The following MAN1C1 variants were observed in gnomAD, a reference collection of about 807,000 sequenced individuals.
MAN1C1 encodes mannosyl-oligosaccharide 1,2-alpha-mannosidase IC.
In MAN1C1, 49 loss-of-function variants were observed where a neutral mutation model predicts 71.5. The observed-to-expected ratio is 0.69, with a 90% CI of 0.54 to 0.87. MAN1C1 has a LOEUF of 0.87. Among genes scored for constraint, MAN1C1 ranks in the 40% least tolerant of loss-of-function variants. The probability of loss-of-function intolerance (pLI) is 0.00; values close to 1 mark genes in which losing one functional copy is unlikely to be tolerated. For missense variants in MAN1C1, 743 were observed against 835.0 expected (o/e 0.89, Z 1.36); for synonymous variants, 352 against 343.7 (o/e 1.02, Z -0.27).
At chr1:25,683,785 C>G (rs1157975477) in intron 1 of MAN1C1, among the ~76,000 whole-genome samples, 5 of 152,136 alleles carry the variant, frequency 3.3e-5, no homozygotes, top group Non-Finnish European at 7.4e-5. Flanking sequence ...AGGAGGCTGT[C>G]CCCTTCATCC....
chr1:25,654,882 C>T (rs1388361598), intron 1 of MAN1C1, among the ~76,000 whole-genome samples: 1 of 152,062 alleles, frequency 6.6e-6, no homozygotes, highest in Non-Finnish European at 1.5e-5. Context: ...CCTGACCTCA[C>T]GATCTGCCCA....
At chr1:25,668,579 G>A (rs1270582621) in intron 1 of MAN1C1, among the ~76,000 whole-genome samples, 17 of 144,064 alleles carry the variant, frequency 1.2e-4, no homozygotes, top group African/African-American at 3.4e-4. Flanking sequence ...TTTTTGAGAC[G>A]GAGTCTTGCT....
intron 7 of MAN1C1, among the ~76,000 whole-genome samples, chr1:25,768,996 A>C (rs1367268368): frequency 7.3e-6 from 1 of 136,104 alleles, no homozygotes; most frequent in African/African-American, 2.8e-5. Flanking sequence ...TCACATATAC[A>C]TACACTACAC....
At chr1:25,665,855 CTTTTTTTTTTTT>C (rs757054975) in intron 1 of MAN1C1, among the ~76,000 whole-genome samples, 1 of 96,914 alleles carries the variant, frequency 1.0e-5, no homozygotes, top group Non-Finnish European at 1.9e-5. Context: ...TTGGCATTGG[CTTTTTTTTTTTT>C]TTTTTTTTTT....
At chr1:25,641,481 T>C (rs1056409161) in intron 1 of MAN1C1, among the ~76,000 whole-genome samples, 5 of 152,196 alleles carry the variant, frequency 3.3e-5, no homozygotes, top group Admixed American at 2.0e-4. Context: ...ATAGCCTGGA[T>C]AGGCATGTAA....
chr1:25,739,430 G>A (rs1314779148), intron 2 of MAN1C1, among the ~76,000 whole-genome samples: 2 of 152,236 alleles, frequency 1.3e-5, no homozygotes, highest in African/African-American at 4.8e-5. Flanking sequence ...CCATTAGTAT[G>A]TGGCTCTGGG....
At chr1:25,668,150 A>G (rs1572135028) in intron 1 of MAN1C1, among the ~76,000 whole-genome samples, 1 of 152,270 alleles carries the variant, frequency 6.6e-6, no homozygotes, top group East Asian at 1.9e-4. Flanking sequence ...AGCCGAATGC[A>G]TTTCTCAGGC....
intron 2 of MAN1C1, among the ~76,000 whole-genome samples, chr1:25,737,787 G>A (rs2047003156): frequency 6.6e-6 from 1 of 152,078 alleles, no homozygotes. Flanking sequence ...ATGAGCCAAG[G>A]CCAGAAAGAT....
Position 25,778,620 on chromosome 1 carries a change from G to A in MAN1C1, c.1477+296G>A, listed in dbSNP as rs1219507790. Among the ~76,000 whole-genome samples, 1 of 152,104 alleles carries A rather than the reference G, an allele frequency of 6.6e-6. No homozygotes were observed. The highest frequency in any genetic ancestry group is 2.4e-5 in the African/African-American group (1 of 41,416). On this transcript the variant is annotated intron_variant, in intron 9 of 11. Transcript: ENST00000374332. This position sits in a 1 kb window ranked among gnomAD's most constrained non-coding sequence, Gnocchi z 5.5. Reference sequence around the variant, plus strand: ...GGAAACTGAGGCTCAGAGATTACTTGGCCAAGGTCCCTTGAGAGGGGCACA... The same window carrying A: ...GGAAACTGAGGCTCAGAGATTACTTAGCCAAGGTCCCTTGAGAGGGGCACA...
intron 1 of MAN1C1, among the ~76,000 whole-genome samples, chr1:25,657,321 C>T (rs1369542188): frequency 6.6e-6 from 1 of 152,186 alleles, no homozygotes; most frequent in Admixed American, 6.5e-5. Flanking sequence ...GCCTCTTCCC[C>T]AGAGGCTGGG....
intron 10 of MAN1C1, 99 bp downstream of exon 10, chr1:25,781,211 C>G: frequency 7.6e-7 from 1 of 1,311,968 alleles, no homozygotes; most frequent in East Asian, 2.4e-5. Flanking sequence ...AGTGGAAGGC[C>G]AAGCCACGTT....
chr1:25,765,057 CAA>C lies in MAN1C1; in HGVS notation c.1141+1093_1141+1094del, dbSNP rs556066441. 2.5e-3 allele frequency among the ~76,000 whole-genome samples: 387 copies of C among 152,086 alleles called. 1 individual carries two copies. The highest frequency in any genetic ancestry group is 9.0e-3 in the African/African-American group (372 of 41,488). On this transcript the variant is annotated intron_variant, in intron 7 of 11. Transcript: ENST00000374332. ...AGCAAGACTCCGTCCCAAAAAAAAA[CAA>C]AAGACGTCATGAATTCATCTATACA...
chr1:25,657,650 T>A (rs1354033923), intron 1 of MAN1C1, among the ~76,000 whole-genome samples: 1 of 152,228 alleles, frequency 6.6e-6, no homozygotes, highest in African/African-American at 2.4e-5. Context: ...GTTTGGGGGC[T>A]GCCCTTTGAC....
At chr1:25,691,595 C>T (rs1485555121) in intron 2 of MAN1C1, among the ~76,000 whole-genome samples, 2 of 152,242 alleles carry the variant, frequency 1.3e-5, no homozygotes, top group African/African-American at 4.8e-5. Context: ...ACCCTTAGAA[C>T]AGTGTGTGCT....
intron 4 of MAN1C1, among the ~76,000 whole-genome samples, chr1:25,750,114 C>T (rs1272691798): frequency 1.3e-5 from 2 of 152,234 alleles, no homozygotes; most frequent in African/African-American, 4.8e-5. Context: ...GGCCTCGCTT[C>T]CTTCCCCAGC....
chr1:25,670,499 G>A (rs112130567), intron 1 of MAN1C1, among the ~76,000 whole-genome samples: 2,434 of 152,304 alleles, frequency 0.016, 55 homozygotes, highest in African/African-American at 0.055. Context: ...GAGCCTTCAG[G>A]GGGTGGGAAT....
chr1:25,745,893 A>G (rs1417662734), intron 2 of MAN1C1, among the ~76,000 whole-genome samples: 6 of 152,084 alleles, frequency 3.9e-5, no homozygotes, highest in Admixed American at 3.3e-4. Context: ...TGGGAGGCTG[A>G]GGCACGAGAA....
intron 1 of MAN1C1, among the ~76,000 whole-genome samples, chr1:25,653,940 G>A (rs946073835): frequency 9.9e-5 from 15 of 152,180 alleles, no homozygotes; most frequent in African/African-American, 3.1e-4. Context: ...TGGGCATCTC[G>A]TGGATAGGGG....
chr1:25,778,140 G>C lies in MAN1C1; in HGVS notation c.1293G>C (p.Gly431=), dbSNP rs201440362. 54 of 1,591,988 alleles carry C rather than the reference G, an allele frequency of 3.4e-5. No individual in the cohort carries two copies. Among genetic ancestry groups the C allele is most frequent in the Non-Finnish European group, 4.5e-5 (53 of 1,166,466 alleles). ...IETYLLNVSP[G]GLTYIAEWRG... is the part of the protein sequence containing the mutation. ...CCTACTTGCTGAATGTCTCTCCCGGGGGGCTGACCTACATTGCCGAGTGGC... is the reference window on the plus strand; with the variant it reads ...CCTACTTGCTGAATGTCTCTCCCGGCGGGCTGACCTACATTGCCGAGTGGC... The change falls in exon 9 of 12, where the codon GGG becomes GGC. Residue 431 remains glycine (G), a synonymous_variant. Transcript: ENST00000374332. The surrounding 1 kb of genome is among the most constrained non-coding windows in gnomAD (Gnocchi z 5.5).
Sources: gnomAD v4.1 joint callset for allele counts (sites outside exome capture counted in the v4.1 genomes callset) on GRCh38, gnomAD v4.1.1 for gene constraint, Gnocchi (gnomAD v3.1) non-coding constraint, MANE v1.5 for transcripts, NCBI Gene and HGNC (gene_info 2026-07-23, HGNC 2026-07-21) for gene names.